The following GPHN variants were observed in gnomAD, a reference collection of about 807,000 sequenced individuals.
GPHN encodes gephyrin.
A neutral mutation model predicts 95.5 loss-of-function variants in GPHN; 17 were observed. The observed-to-expected ratio is 0.18, with a 90% CI of 0.12 to 0.27. GPHN has a LOEUF of 0.27. Among genes scored for constraint, GPHN ranks in the 10% least tolerant of loss-of-function variants. GPHN has a pLI of 1.00. For missense variants in GPHN, 660 were observed against 978.1 expected (o/e 0.67, Z 4.34); for synonymous variants, 320 against 322.5 (o/e 0.99, Z 0.08).
At chr14:66,809,070 G>A (rs1186760543) in intron 3 of GPHN, among the ~76,000 whole-genome samples, 1 of 152,186 alleles carries the variant, frequency 6.6e-6, no homozygotes, top group Non-Finnish European at 1.5e-5. Flanking sequence ...GGAGCTGTAT[G>A]TTTTGGTCGG....
chr14:67,614,031 C>G, the GPHN span, among the ~76,000 whole-genome samples: 1 of 152,156 alleles, frequency 6.6e-6, no homozygotes, highest in East Asian at 1.9e-4. Flanking sequence ...ACCTCTTGGG[C>G]TCAAGGGATC....
intron 21 of GPHN, among the ~76,000 whole-genome samples, chr14:67,175,857 A>C (rs2082909705): frequency 6.6e-6 from 1 of 152,028 alleles, no homozygotes; most frequent in African/African-American, 2.4e-5. Context: ...ATGGGAGTTC[A>C]CTCGTGATTT....
At chr14:67,718,428 G>A in the GPHN span, among the ~76,000 whole-genome samples, 1 of 152,216 alleles carries the variant, frequency 6.6e-6, no homozygotes, top group Non-Finnish European at 1.5e-5. Context: ...AGTATGAGCT[G>A]CTAGATGATT....
the GPHN span, among the ~76,000 whole-genome samples, chr14:67,390,903 A>T: frequency 6.6e-6 from 1 of 152,280 alleles, no homozygotes; most frequent in African/African-American, 2.4e-5. Context: ...TAGCAATGAC[A>T]TGTCACAGAC....
At chr14:66,997,959 A>G (rs918777800) in intron 9 of GPHN, among the ~76,000 whole-genome samples, 1 of 152,310 alleles carries the variant, frequency 6.6e-6, no homozygotes, top group African/African-American at 2.4e-5. Context: ...TGTAAAAAAT[A>G]TATAACCCAT....
the GPHN span, chr14:67,333,494 C>G: frequency 6.6e-6 from 1 of 152,486 alleles, no homozygotes; most frequent in African/African-American, 2.4e-5. Context: ...AAAATGGTGC[C>G]ACTTTGGGTT....
At chr14:66,714,069 C>T (rs1195505412) in intron 2 of GPHN, among the ~76,000 whole-genome samples, 2 of 151,960 alleles carry the variant, frequency 1.3e-5, no homozygotes, top group Non-Finnish European at 2.9e-5. Context: ...ATGCCAGGCC[C>T]AGTATGGTCA....
chr14:67,529,117 C>T, the GPHN span, among the ~76,000 whole-genome samples: 1 of 152,254 alleles, frequency 6.6e-6, no homozygotes, highest in South Asian at 2.1e-4. Context: ...CAATAATATG[C>T]CAGGCACTGA....
chr14:66,841,112 C>T (rs990586517), intron 4 of GPHN, among the ~76,000 whole-genome samples: 1 of 151,414 alleles, frequency 6.6e-6, no homozygotes, highest in Admixed American at 6.6e-5. Flanking sequence ...GTCACAAGTC[C>T]CTACCTTTAT....
chr14:67,238,022 C>T, the GPHN span, among the ~76,000 whole-genome samples: 1 of 152,114 alleles, frequency 6.6e-6, no homozygotes, highest in Non-Finnish European at 1.5e-5. Flanking sequence ...AACCCCTTTA[C>T]ATTATAGATG....
chr14:66,900,530 T>A (rs1002533179), intron 5 of GPHN, among the ~76,000 whole-genome samples: 7 of 151,742 alleles, frequency 4.6e-5, no homozygotes, highest in African/African-American at 1.7e-4. Context: ...CAACTTCTCA[T>A]CTTTCCCTCC....
chr14:66,972,733 C>A (rs2069899806), intron 9 of GPHN, among the ~76,000 whole-genome samples: 1 of 151,796 alleles, frequency 6.6e-6, no homozygotes, highest in African/African-American at 2.4e-5. Context: ...ATTGTAATTA[C>A]TCATGTAAAT....
chr14:67,573,017 T>C, the GPHN span, among the ~76,000 whole-genome samples: 1 of 152,210 alleles, frequency 6.6e-6, no homozygotes, highest in Non-Finnish European at 1.5e-5. The surrounding 1 kb of genome is among the most constrained non-coding windows in gnomAD (Gnocchi z 4.8). Context: ...TAGCAGCCCC[T>C]GCTCTGCTAC....
intron 1 of GPHN, among the ~76,000 whole-genome samples, chr14:66,597,305 A>G (rs2062024078): frequency 6.6e-6 from 1 of 152,198 alleles, no homozygotes; most frequent in Non-Finnish European, 1.5e-5. Context: ...CAGATTTTTT[A>G]TATTACGCAT....
chr14:67,489,808 G>A, the GPHN span, among the ~76,000 whole-genome samples: 1 of 152,156 alleles, frequency 6.6e-6, no homozygotes, highest in Non-Finnish European at 1.5e-5. Context: ...GGCTAACATG[G>A]TGAAACCCCA....
At chr14:67,585,401 T>C in the GPHN span, 9 of 594,494 alleles carry the variant, frequency 1.5e-5, no homozygotes, top group Non-Finnish European at 2.4e-5. Context: ...AGCAGCCTTG[T>C]CTATTTCCTG....
chr14:67,724,280 C>T, the GPHN span, among the ~76,000 whole-genome samples: 1 of 152,242 alleles, frequency 6.6e-6, no homozygotes, highest in East Asian at 1.9e-4. Flanking sequence ...CCCACCTGCA[C>T]CGATAAACAG....
At chr14:67,195,466 A>G in the GPHN span, among the ~76,000 whole-genome samples, 7 of 152,236 alleles carry the variant, frequency 4.6e-5, no homozygotes, top group East Asian at 9.7e-4. Context: ...CCCAGCAGCC[A>G]TGTGGCATAT....
At chr14:66,986,755 C>T (rs2071051824) in intron 9 of GPHN, among the ~76,000 whole-genome samples, 2 of 152,074 alleles carry the variant, frequency 1.3e-5, no homozygotes, top group East Asian at 1.9e-4. Flanking sequence ...AATTTAATGA[C>T]TACCTTGAGG....
Sources: allele counts gnomAD v4.1 joint callset (sites outside exome capture counted in the v4.1 genomes callset), GRCh38; gene constraint gnomAD v4.1.1; non-coding constraint Gnocchi (gnomAD v3.1); transcripts MANE v1.5; gene names NCBI Gene and HGNC (gene_info 2026-07-23, HGNC 2026-07-21).